KCNQ3: variants seen among roughly 807,000 people sequenced by gnomAD.
KCNQ3 encodes the protein potassium voltage-gated channel subfamily KQT member 3.
Under a neutral mutation model 92.5 loss-of-function variants are expected in KCNQ3, and 30 were observed. The observed-to-expected ratio is 0.32, with a 90% CI of 0.24 to 0.44. KCNQ3 has a LOEUF of 0.44. Ranked by LOEUF, KCNQ3 falls within the 20% of genes least tolerant of loss-of-function variation. The pLI is 1.00. For synonymous variants in KCNQ3, 450 were observed against 468.8 expected (o/e 0.96, Z 0.52); for missense variants, 913 against 1,140.3 (o/e 0.80, Z 2.87).
At chr8:132,364,686 CGGACGGACGGATGGAT>C in intron 1 of KCNQ3, among the ~76,000 whole-genome samples, 1 of 114,584 alleles carries the variant, frequency 8.7e-6, no homozygotes, top group South Asian at 3.2e-4. Flanking sequence ...GACGGACGGA[CGGACGGACGGATGGAT>C]GGATGGATGG....
chr8:132,443,534 C>G (rs1016648567), intron 1 of KCNQ3, among the ~76,000 whole-genome samples: 2 of 151,758 alleles, frequency 1.3e-5, no homozygotes, highest in African/African-American at 4.8e-5. Context: ...GAGAAAAGGG[C>G]TTTGTTAAAA....
chr8:132,180,949 T>A (rs1826746915), intron 3 of KCNQ3, among the ~76,000 whole-genome samples: 1 of 152,090 alleles, frequency 6.6e-6, no homozygotes, highest in Non-Finnish European at 1.5e-5. Flanking sequence ...CTGGGACATC[T>A]GTTTCTTGCC....
intron 1 of KCNQ3, among the ~76,000 whole-genome samples, chr8:132,358,321 G>A (rs1047593696): frequency 4.6e-5 from 7 of 152,180 alleles, no homozygotes; most frequent in African/African-American, 1.7e-4. Flanking sequence ...CATATTCTGA[G>A]GCCTAATGGG....
At chr8:132,365,088 C>T (rs4351399) in intron 1 of KCNQ3, among the ~76,000 whole-genome samples, 9,019 of 152,208 alleles carry the variant, frequency 0.059, 487 homozygotes, top group African/African-American at 0.15. Context: ...TACATTTTGC[C>T]TGTGCTGTTG....
At chr8:132,241,117 G>A (rs1271614966) in intron 1 of KCNQ3, among the ~76,000 whole-genome samples, 1 of 152,094 alleles carries the variant, frequency 6.6e-6, no homozygotes, top group Non-Finnish European at 1.5e-5. Context: ...TCAAACTCCT[G>A]ACCCCAGGTG....
rs369226110 is a variant in KCNQ3 at position 132,232,063 on chromosome 8, C to T, written c.387-45882G>A. 4.6e-5 allele frequency among the ~76,000 whole-genome samples: 7 copies of T among 152,266 alleles called. No homozygotes were observed. The East Asian group carries it at 1.2e-3, about 25-fold the overall frequency. On this transcript the variant is annotated intron_variant, in intron 1 of 14. Coordinates refer to ENST00000388996, the MANE Select transcript of KCNQ3 (RefSeq NM_004519.4). ...AGAAACTAAGTAATTGGTCACCCAC[C>T]AAGGAAATGGAGACACCTGGATTTA...
rs185628977 is a variant in KCNQ3, at chr8:132,129,390, G to C, written c.2491C>G (p.Arg831Gly). 3 of 1,614,052 alleles carry C rather than the reference G, an allele frequency of 1.9e-6. No homozygotes were observed. In the African/African-American group the frequency reaches 4.0e-5, roughly 22 times the overall value. ...NGGSSWMREK[R>G]YLAEGETDTD... The stretch of plus-strand genomic sequence containing the variant: ...TCCGTCTCACCCTCGGCGAGGTACC[G>C]CTTCTCCCTCATCCAGCTCGACCCC... Residue 831 changes from arginine (R) to glycine (G), a missense_variant, in exon 15 of 15, where the codon CGG (arginine) becomes GGG (glycine). Around this residue, in one of 6 missense-constraint regions of KCNQ3, gnomAD observed 375 missense variants for 376.4 expected, o/e 1.00. Transcript: ENST00000388996. The surrounding 1 kb of genome is among the most constrained non-coding windows in gnomAD (Gnocchi z 5.9).
chr8:132,480,318 C>A lies in KCNQ3; in HGVS notation c.215G>T (p.Gly72Val). 1 of 1,601,652 alleles carries A rather than the reference C, an allele frequency of 6.2e-7. No individual in the cohort carries two copies. The highest frequency in any genetic ancestry group is 8.5e-7 in the Non-Finnish European group (1 of 1,175,122). The change falls in exon 1 of 15, where the codon GGC becomes GTC. Residue 72 changes from glycine (G) to valine (V), a missense_variant. Around this residue, in one of 6 missense-constraint regions of KCNQ3, gnomAD observed 183 missense variants for 167.7 expected, o/e 1.09. Transcript: ENST00000388996. ...CCTCCGCTGCCCCTCGTCGCGGCCG[C>A]CGCCCTCCAGCAGCAGGGTCCCGTC... Reference protein sequence around the residue: ...DKDGTLLLEGGGRDEGQRRTP... With the variant: ...DKDGTLLLEGVGRDEGQRRTP...
Position 132,190,931 on chromosome 8 carries a change from A to G in KCNQ3, c.387-4750T>C, listed in dbSNP as rs543699954. Among the ~76,000 whole-genome samples the G allele has an allele frequency of 2.0e-5, 3 of 152,348 alleles. No homozygotes were observed. The East Asian group carries it at 5.8e-4, about 29-fold the overall frequency. On this transcript the variant is annotated intron_variant, in intron 1 of 14. Transcript: ENST00000388996. ...ACTCTGCTCATGGAGGGCAGAGACT[A>G]TGTCTTGTTCCTCTCTGTATCTCAG...
chr8:132,228,599 T>G (rs372431484), intron 1 of KCNQ3, among the ~76,000 whole-genome samples: 115 of 152,258 alleles, frequency 7.6e-4, no homozygotes, highest in African/African-American at 2.6e-3. Context: ...GTTTTAATTT[T>G]TATTGCTATC....
intron 1 of KCNQ3, among the ~76,000 whole-genome samples, chr8:132,341,700 A>G: frequency 6.6e-6 from 1 of 152,210 alleles, no homozygotes; most frequent in East Asian, 1.9e-4. Flanking sequence ...ATCACTGGTG[A>G]ACTTGAAGAG....
chr8:132,243,510 G>T (rs1435472202), intron 1 of KCNQ3, among the ~76,000 whole-genome samples: 1 of 152,174 alleles, frequency 6.6e-6, no homozygotes, highest in Middle Eastern at 3.2e-3. Context: ...CAGTCTGATG[G>T]GAGCAGAGTA....
At position 132,408,633 on chromosome 8, in the gene KCNQ3, T is replaced by C. The variant is rs564295117; in HGVS notation, c.386+71514A>G. On this transcript the variant is annotated intron_variant, in intron 1 of 14. Coordinates refer to ENST00000388996, the MANE Select transcript of KCNQ3 (RefSeq NM_004519.4). ...GGCCAAAAGGATTTTGCAAATGTAG[T>C]TAAGTTCCCAGTCAACTTTGAGTTA... is the stretch of plus-strand genomic sequence containing the variant. 5.3e-5 allele frequency among the ~76,000 whole-genome samples: 8 copies of C among 152,326 alleles called. No homozygotes were observed. In the South Asian group the frequency reaches 1.7e-3, roughly 32 times the overall value.
At chr8:132,409,983 G>A (rs1820606130) in intron 1 of KCNQ3, among the ~76,000 whole-genome samples, 2 of 152,134 alleles carry the variant, frequency 1.3e-5, no homozygotes, top group Admixed American at 6.5e-5. Flanking sequence ...GATAGATTTA[G>A]TCTGGCATGG....
intron 3 of KCNQ3, among the ~76,000 whole-genome samples, chr8:132,182,593 T>C (rs919154443): frequency 6.6e-6 from 1 of 152,240 alleles, no homozygotes; most frequent in East Asian, 1.9e-4. Flanking sequence ...CCAGCAGGGA[T>C]CTGGGCTCCC....
At chr8:132,271,328 T>C (rs1391228070) in intron 1 of KCNQ3, among the ~76,000 whole-genome samples, 1 of 152,264 alleles carries the variant, frequency 6.6e-6, no homozygotes, top group Non-Finnish European at 1.5e-5. Flanking sequence ...GAGGGCTAAA[T>C]GGCCATGGGC....
chr8:132,263,790 T>C (rs1253183530), intron 1 of KCNQ3, among the ~76,000 whole-genome samples: 1 of 152,200 alleles, frequency 6.6e-6, no homozygotes. Context: ...GGAACATCTA[T>C]GACTTCATCT....
intron 1 of KCNQ3, among the ~76,000 whole-genome samples, chr8:132,276,400 T>A (rs1156677289): frequency 2.0e-5 from 3 of 151,982 alleles, no homozygotes; most frequent in Non-Finnish European, 4.4e-5. Flanking sequence ...CACAGAAACA[T>A]CCAGGGCAGG....
At chr8:132,475,281 G>C (rs1334903551) in intron 1 of KCNQ3, among the ~76,000 whole-genome samples, 1 of 152,200 alleles carries the variant, frequency 6.6e-6, no homozygotes, top group Admixed American at 6.5e-5. Context: ...ATACTTGCAA[G>C]TATGGAAGAG....
Sources: gnomAD v4.1 joint callset for allele counts (sites outside exome capture counted in the v4.1 genomes callset) on GRCh38, gnomAD v4.1.1 for gene constraint, gnomAD v4.1.1 regional missense constraint, Gnocchi (gnomAD v3.1) non-coding constraint, MANE v1.5 for transcripts, NCBI Gene and HGNC (gene_info 2026-07-23, HGNC 2026-07-21) for gene names.